The following RBFOX1 variants were observed in gnomAD, a reference collection of about 807,000 sequenced individuals.
RBFOX1 encodes RNA binding protein fox-1 homolog 1.
RBFOX1 carries 8 observed loss-of-function variants against 57.7 expected under a neutral mutation model. The ratio of observed to expected loss-of-function variants is 0.14; its 90% confidence interval spans 0.08 to 0.25. The LOEUF is 0.25. Among genes scored for constraint, RBFOX1 ranks in the 10% least tolerant of loss-of-function variants. The probability of loss-of-function intolerance (pLI) is 1.00; values close to 1 mark genes in which losing one functional copy is unlikely to be tolerated. For synonymous variants in RBFOX1, 326 were observed against 222.4 expected (o/e 1.47, Z -4.15); for missense variants, 611 against 548.5 (o/e 1.11, Z -1.14).
chr16:5,622,000 T>C (rs907823116), intron 3 of RBFOX1, among the ~76,000 whole-genome samples: 2 of 152,166 alleles, frequency 1.3e-5, no homozygotes, highest in African/African-American at 4.8e-5. Context: ...TGGCCACGTG[T>C]CAAAAGTAAA....
At chr16:5,846,941 G>C (rs747960743) in intron 3 of RBFOX1, among the ~76,000 whole-genome samples, 2 of 152,110 alleles carry the variant, frequency 1.3e-5, no homozygotes, top group Non-Finnish European at 2.9e-5. Context: ...AGTGCATTTG[G>C]GTCCAGGCTG....
At chr16:6,808,113 A>C (rs1051692971) in intron 3 of RBFOX1, among the ~76,000 whole-genome samples, 1 of 149,674 alleles carries the variant, frequency 6.7e-6, no homozygotes, top group Non-Finnish European at 1.5e-5. Flanking sequence ...TATAGGATGT[A>C]GCAATATGCA....
At chr16:6,956,294 C>G (rs1466046521) in intron 3 of RBFOX1, among the ~76,000 whole-genome samples, 4 of 152,164 alleles carry the variant, frequency 2.6e-5, no homozygotes, top group Non-Finnish European at 4.4e-5. Context: ...TTTAGAGAGT[C>G]TTGCTAAGGA....
chr16:6,643,803 C>G (rs1474725840), intron 2 of RBFOX1, among the ~76,000 whole-genome samples: 2 of 147,304 alleles, frequency 1.4e-5, no homozygotes, highest in Non-Finnish European at 3.0e-5. Context: ...TGAACTTATT[C>G]TCAAAATCTG....
At chr16:5,963,581 T>C (rs1029542496) in intron 4 of RBFOX1, among the ~76,000 whole-genome samples, 1 of 152,174 alleles carries the variant, frequency 6.6e-6, no homozygotes, top group Non-Finnish European at 1.5e-5. Context: ...TGGAGCTTAA[T>C]AGAGAGCTCA....
At chr16:5,338,984 G>T (rs1054809344) in intron 1 of RBFOX1, among the ~76,000 whole-genome samples, 2 of 152,026 alleles carry the variant, frequency 1.3e-5, no homozygotes, top group South Asian at 4.1e-4. Context: ...AATCAAGTCA[G>T]TTCCACATAT....
At chr16:6,870,115 T>C (rs1603634666) in intron 3 of RBFOX1, among the ~76,000 whole-genome samples, 1 of 152,166 alleles carries the variant, frequency 6.6e-6, no homozygotes, top group African/African-American at 2.4e-5. Context: ...AATGATGATT[T>C]TTTGCATAAG....
chr16:6,611,547 T>C (rs2098054231), intron 2 of RBFOX1, among the ~76,000 whole-genome samples: 1 of 152,190 alleles, frequency 6.6e-6, no homozygotes, highest in Non-Finnish European at 1.5e-5. Context: ...CAACTTGACA[T>C]TTCTTCTCAT....
chr16:6,686,214 C>G (rs1424796155), intron 3 of RBFOX1, among the ~76,000 whole-genome samples: 3 of 152,154 alleles, frequency 2.0e-5, no homozygotes, highest in African/African-American at 7.2e-5. Flanking sequence ...TTCAGATGTT[C>G]TTATCACTCA....
intron 5 of RBFOX1, among the ~76,000 whole-genome samples, chr16:7,553,879 A>C (rs900014457): frequency 6.6e-6 from 1 of 152,210 alleles, no homozygotes; most frequent in African/African-American, 2.4e-5. Context: ...TCAGCCTGGC[A>C]GGTCTTTTTG....
At chr16:5,448,221 C>G (rs2068311880) in intron 1 of RBFOX1, among the ~76,000 whole-genome samples, 2 of 152,088 alleles carry the variant, frequency 1.3e-5, no homozygotes, top group African/African-American at 4.8e-5. Context: ...AAAATTAGAC[C>G]TGGACGCTGC....
intron 2 of RBFOX1, among the ~76,000 whole-genome samples, chr16:6,622,389 C>G (rs1356328793): frequency 1.3e-5 from 2 of 152,036 alleles, no homozygotes; most frequent in African/African-American, 4.8e-5. Context: ...TAGTACTTAC[C>G]TTTTAATGAC....
chr16:7,648,423 T>A (rs1217974134), intron 11 of RBFOX1, among the ~76,000 whole-genome samples: 1 of 152,016 alleles, frequency 6.6e-6, no homozygotes, highest in Non-Finnish European at 1.5e-5. Flanking sequence ...CGGGGTTACA[T>A]CATGTTTCCC....
At chr16:5,794,476 C>T (rs1320261002) in intron 3 of RBFOX1, among the ~76,000 whole-genome samples, 1 of 151,296 alleles carries the variant, frequency 6.6e-6, no homozygotes, top group African/African-American at 2.5e-5. Context: ...ATACCAGAGG[C>T]ACACTCACCT....
intron 2 of RBFOX1, among the ~76,000 whole-genome samples, chr16:6,414,535 G>C (rs1232895096): frequency 6.6e-6 from 1 of 152,210 alleles, no homozygotes; most frequent in Non-Finnish European, 1.5e-5. Flanking sequence ...GTTTCCGGCA[G>C]TGACAAGTGC....
intron 4 of RBFOX1, among the ~76,000 whole-genome samples, chr16:5,989,845 C>CAT (rs2060357491): frequency 1.3e-5 from 1 of 78,442 alleles, no homozygotes; most frequent in Non-Finnish European, 2.3e-5. Flanking sequence ...CACCCCCTAA[C>CAT]ACACACACAC....
intron 4 of RBFOX1, among the ~76,000 whole-genome samples, chr16:7,325,955 G>C (rs181697232): frequency 6.6e-6 from 1 of 152,156 alleles, no homozygotes; most frequent in Admixed American, 6.5e-5. Context: ...TCATTTCTCA[G>C]TTCTGGTTCA....
chr16:6,852,178 A>G (rs1029048569), intron 3 of RBFOX1, among the ~76,000 whole-genome samples: 1 of 152,110 alleles, frequency 6.6e-6, no homozygotes. Context: ...CTGGCCTGCA[A>G]CCAAGGTTTT....
intron 3 of RBFOX1, among the ~76,000 whole-genome samples, chr16:5,666,742 C>A (rs1475601799): frequency 6.6e-6 from 1 of 152,178 alleles, no homozygotes; most frequent in East Asian, 1.9e-4. Flanking sequence ...GGGAATGGAT[C>A]TCTATTTCTC....
Sources: gnomAD v4.1 joint callset for allele counts (sites outside exome capture counted in the v4.1 genomes callset) on GRCh38, gnomAD v4.1.1 for gene constraint, MANE v1.5 for transcripts, NCBI Gene and HGNC (gene_info 2026-07-23, HGNC 2026-07-21) for gene names.